The following GPATCH3 variants were observed in gnomAD, a reference collection of about 807,000 sequenced individuals.
The protein encoded by GPATCH3 is G patch domain-containing protein 3.
In GPATCH3, 45 loss-of-function variants were observed where a neutral mutation model predicts 53.2. The ratio of observed to expected loss-of-function variants is 0.85; its 90% CI spans 0.67 to 1.08. GPATCH3 has a LOEUF of 1.08. Ranked by LOEUF, GPATCH3 falls within the 50% of genes least tolerant of loss-of-function variation. GPATCH3 has a pLI of 0.00. For synonymous variants in GPATCH3, 280 were observed against 270.6 expected (o/e 1.03, Z -0.34); for missense variants, 680 against 687.2 (o/e 0.99, Z 0.12).
chr1:26,893,372 C>T lies in GPATCH3; in HGVS notation c.1111+17G>A, dbSNP rs1478856971. The stretch of plus-strand genomic sequence containing the variant: ...GCACCTGTTTCACCTCCAGTATTGC[C>T]ACTCCTTGCCCAGTACCTCTGTCAT... On this transcript the variant is annotated intron_variant, in intron 4 of 6. Coordinates refer to ENST00000361720, the MANE Select transcript of GPATCH3 (RefSeq NM_022078.3). 4 of 1,603,094 alleles carry T rather than the reference C, an allele frequency of 2.5e-6. No homozygotes were observed. Among genetic ancestry groups the T allele is most frequent in the Non-Finnish European group, 3.4e-6 (4 of 1,169,980 alleles).
rs777411856 is a variant in GPATCH3, at chr1:26,890,493, T to C, written c.*517A>G. On this transcript the variant is annotated 3_prime_UTR_variant, in exon 7 of 7. Transcript: ENST00000361720. ...AATTAGAAAAGTAAGGGAGCTCCAG[T>C]AGTAAACGTCTTTATTCTTCCGTGA... The C allele has an allele frequency of 1.0e-5, 3 of 296,782 alleles. No individual in the cohort carries two copies. The highest frequency in any genetic ancestry group is 9.6e-5 in the Admixed American group (2 of 20,920). The allele number at this position is 296,782 out of a possible 1,614,324, so 18.4% of individuals were successfully genotyped here.
intron 2 of GPATCH3, among the ~76,000 whole-genome samples, chr1:26,894,644 C>T (rs552581829): frequency 5.3e-5 from 8 of 152,078 alleles, no homozygotes; most frequent in Admixed American, 5.2e-4. Flanking sequence ...CCATGTTGTT[C>T]CCTGCCTGAA....
At chr1:26,898,662 T>A (rs191057821) in intron 1 of GPATCH3, among the ~76,000 whole-genome samples, 1 of 151,798 alleles carries the variant, frequency 6.6e-6, no homozygotes, top group African/African-American at 2.4e-5. Flanking sequence ...CTAATTTCTT[T>A]TTTTTCTTCT....
At chr1:26,895,150 T>C (rs1274979716) in intron 2 of GPATCH3, among the ~76,000 whole-genome samples, 1 of 152,120 alleles carries the variant, frequency 6.6e-6, no homozygotes, top group Admixed American at 6.6e-5. Context: ...AATCCTACAC[T>C]AGCCCTTGGC....
Position 26,893,415 on chromosome 1 carries a change from A to G in GPATCH3, c.1085T>C (p.Val362Ala). Reference sequence around the variant, plus strand: ...TCTGTCATAGTACACACTCATGTCCACATCCCAGTCATCGGCTGTCTGTTC... The same window carrying G: ...TCTGTCATAGTACACACTCATGTCCGCATCCCAGTCATCGGCTGTCTGTTC... Reference protein sequence around the residue: ...FDEQTADDWDVDMSVYYDRDG... With the variant: ...FDEQTADDWDADMSVYYDRDG... Residue 362 changes from valine to alanine, a missense_variant, in exon 4 of 7, where the codon GTG (valine) becomes GCG (alanine). Transcript: ENST00000361720. 6.2e-7 allele frequency: 1 copy of G among 1,613,408 alleles called. No homozygotes were observed. Among genetic ancestry groups the G allele is most frequent in the Non-Finnish European group, 8.5e-7 (1 of 1,179,460 alleles).
chr1:26,898,568 C>T (rs143749183), intron 1 of GPATCH3, among the ~76,000 whole-genome samples: 328 of 152,044 alleles, frequency 2.2e-3, no homozygotes, highest in African/African-American at 7.3e-3. Flanking sequence ...CACCTGATGA[C>T]CTTTTGATTC....
chr1:26,897,228 T>C, intron 2 of GPATCH3, 73 bp downstream of exon 2: 1 of 1,426,122 alleles, frequency 7.0e-7, no homozygotes, highest in Non-Finnish European at 9.7e-7. Flanking sequence ...AATAGACAAT[T>C]GAAGAGTGGT....
intron 4 of GPATCH3, 141 bp from the exon 5 acceptor site, chr1:26,892,932 A>G (rs973383156): frequency 8.0e-6 from 8 of 1,002,290 alleles, no homozygotes; most frequent in South Asian, 3.3e-5. Flanking sequence ...GAGCTCCCCA[A>G]AAGTAGGAAC....
At chr1:26,893,002 A>G in intron 4 of GPATCH3, 1 of 604,178 alleles carries the variant, frequency 1.7e-6, no homozygotes, top group Non-Finnish European at 2.9e-6. Flanking sequence ...AACAGAGCCA[A>G]CAAATGACAG....
chr1:26,892,888 T>G, intron 4 of GPATCH3, 97 bp from the exon 5 acceptor site: 1 of 1,444,784 alleles, frequency 6.9e-7, no homozygotes, highest in Non-Finnish European at 9.5e-7. Context: ...CTTATTCATT[T>G]TAATAGTGTT....
At chr1:26,899,945 T>C (rs748950100) in intron 1 of GPATCH3, 47 bp downstream of exon 1, 1 of 1,562,814 alleles carries the variant, frequency 6.4e-7, no homozygotes, top group Non-Finnish European at 8.8e-7. Flanking sequence ...AAAAGGTGCC[T>C]CTGTTCCAGG....
chr1:26,894,279 C>G lies in GPATCH3; in HGVS notation c.1008G>C (p.Leu336=), dbSNP rs1332068524. 1 of 1,614,126 alleles carries G rather than the reference C, an allele frequency of 6.2e-7. No homozygotes were observed. Among genetic ancestry groups the G allele is most frequent in the Non-Finnish European group, 8.5e-7 (1 of 1,180,018 alleles). ...ELKWEKGGSG[L]VFYTDAQFWQ... The stretch of plus-strand genomic sequence containing the variant: ...AGAACTGGGCATCAGTATAAAACAC[C>G]AGGCCAGAGCCACCCTTCTCCCACT... Residue 336 remains leucine, a synonymous_variant, in exon 3 of 7, where the codon CTG becomes CTC. Coordinates refer to ENST00000361720, the MANE Select transcript of GPATCH3 (RefSeq NM_022078.3).
At chr1:26,891,274 T>A in intron 6 of GPATCH3, 48 bp from the exon 7 acceptor site, 2 of 1,473,622 alleles carry the variant, frequency 1.4e-6, no homozygotes, top group Non-Finnish European at 1.9e-6. Flanking sequence ...CAAACTCCAG[T>A]TAAAGGGGTT....
In GPATCH3 at chr1:26,890,651, T is replaced by C. The variant is rs781517446; in HGVS notation, c.*359A>G. The C allele has an allele frequency of 2.0e-4, 84 of 417,352 alleles. No homozygotes were observed. The highest frequency in any genetic ancestry group is 3.9e-4 in the Admixed American group (11 of 27,932). The allele number at this position is 417,352 out of a possible 1,614,324, so 25.9% of individuals were successfully genotyped here. On this transcript the variant is annotated 3_prime_UTR_variant, in exon 7 of 7. Coordinates refer to ENST00000361720, the MANE Select transcript of GPATCH3 (RefSeq NM_022078.3). ...AATCCTCTCCTCGCCCAGGTCCCTT[T>C]CCCCCTTTCTGGCCTTCGTGGGGAC... is the stretch of plus-strand genomic sequence containing the variant.
At position 26,900,372 on chromosome 1, in the gene GPATCH3, AAC is replaced by A. The variant is rs1557662270; in HGVS notation, c.69_70del (p.Leu24AlafsTer10). 6.2e-7 allele frequency: 1 copy of A among 1,614,050 alleles called. No individual in the cohort carries two copies. ...ATAGCTCCGTAAATGGGCCGAGCGC[AAC>A]ACGGAGGGGATACCGCTCACTACCA... On this transcript the variant is annotated frameshift_variant, in exon 1 of 7. Transcript: ENST00000361720. LOFTEE classifies it high-confidence loss of function.
chr1:26,892,712 A>G lies in GPATCH3; in HGVS notation c.1191T>C (p.Ser397=). ...AGGTGCCCACCTGGCGTTCGATCAC[A>G]GAGCCATCTTCCTGTCCATCTCGGA... ...QRLRDGQEDG[S]VIERQVGTFE... is the part of the protein sequence containing the mutation. Residue 397 remains serine, a synonymous_variant, in exon 5 of 7, where the codon TCT becomes TCC. Transcript: ENST00000361720. The G allele has an allele frequency of 6.2e-7, 1 of 1,614,176 alleles. No individual in the cohort carries two copies. Among genetic ancestry groups the G allele is most frequent in the Admixed American group, 1.7e-5 (1 of 60,016 alleles).
At chr1:26,897,212 C>T in intron 2 of GPATCH3, 89 bp downstream of exon 2, 8 of 1,306,048 alleles carry the variant, frequency 6.1e-6, no homozygotes, top group Non-Finnish European at 8.6e-6. Context: ...GGTTAAGAAC[C>T]CTTGTAATAG....
At position 26,900,411 on chromosome 1, in the gene GPATCH3, G is replaced by C. The variant is rs775232498; in HGVS notation, c.32C>G (p.Ala11Gly). MAVPGEAEEE[A>G]TVYLVVSGIP... ...ACCGCTCACTACCAGGTAAACTGTC[G>C]CCTCCTCCTCCGCCTCGCCGGGCAC... Residue 11 changes from alanine to glycine, a missense_variant, in exon 1 of 7, where the codon GCG (alanine) becomes GGG (glycine). Ala to Gly is a moderately conservative substitution (Grantham distance 60, BLOSUM62 0). Transcript: ENST00000361720. 6.2e-7 allele frequency: 1 copy of C among 1,611,480 alleles called. No individual in the cohort carries two copies. The highest frequency in any genetic ancestry group is 8.5e-7 in the Non-Finnish European group (1 of 1,178,206).
At chr1:26,893,499 T>C (rs531162723) in intron 3 of GPATCH3, 51 bp from the exon 4 acceptor site, 35 of 1,306,194 alleles carry the variant, frequency 2.7e-5, no homozygotes, top group Non-Finnish European at 2.8e-5. Context: ...CTCTCAGTTC[T>C]ATTAAGAGTT....
Sources: gnomAD v4.1 joint callset for allele counts (sites outside exome capture counted in the v4.1 genomes callset) on GRCh38, gnomAD v4.1.1 for gene constraint, MANE v1.5 for transcripts, NCBI Gene and HGNC (gene_info 2026-07-23, HGNC 2026-07-21) for gene names.